Variants in RAP1A observed in about 807,000 individuals in gnomAD.
RAP1A encodes RAP1A, member of RAS oncogene family, also known as ras-related protein Rap-1A.
In RAP1A, 6 loss-of-function variants were observed where a neutral mutation model predicts 26.4. That is an observed-to-expected ratio of 0.23 (90% CI 0.12 to 0.45). The LOEUF is 0.45. Among genes scored for constraint, RAP1A ranks in the 20% least tolerant of loss-of-function variants. The probability of loss-of-function intolerance (pLI) is 0.99; values close to 1 mark genes in which losing one functional copy is unlikely to be tolerated. For missense variants in RAP1A, 121 were observed against 217.2 expected (o/e 0.56, Z 2.78); for synonymous variants, 73 against 79.4 (o/e 0.92, Z 0.43).
upstream of RAP1A, among the ~76,000 whole-genome samples, chr1:111,619,024 T>C (rs935823556): frequency 8.5e-5 from 13 of 152,204 alleles, no homozygotes; most frequent in African/African-American, 2.9e-4. Context: ...TGGTTTCCCG[T>C]TCCTGTTATA....
At chr1:111,633,018 C>T (rs1422701432) in intron 1 of RAP1A, among the ~76,000 whole-genome samples, 1 of 150,406 alleles carries the variant, frequency 6.6e-6, no homozygotes, top group African/African-American at 2.4e-5. Context: ...ATAATTACTA[C>T]TTCATGAGGT....
At chr1:111,682,197 C>G in intron 1 of RAP1A, among the ~76,000 whole-genome samples, 1 of 152,074 alleles carries the variant, frequency 6.6e-6, no homozygotes, top group Non-Finnish European at 1.5e-5. Context: ...GAAGGAAGCA[C>G]TAAATATGGA....
chr1:111,623,487 A>G (rs1478790510), intron 1 of RAP1A, among the ~76,000 whole-genome samples: 3 of 152,116 alleles, frequency 2.0e-5, no homozygotes, highest in Admixed American at 6.5e-5. Context: ...GCTCACTGCA[A>G]CCTCTGCCTC....
intron 4 of RAP1A, among the ~76,000 whole-genome samples, chr1:111,701,258 A>G (rs565583446): frequency 2.6e-5 from 4 of 152,172 alleles, no homozygotes; most frequent in Middle Eastern, 6.8e-3. Flanking sequence ...CACTTTAGAC[A>G]TGTTTCCCTT....
At chr1:111,591,989 C>G (rs1044742810) in intron 1 of RAP1A, among the ~76,000 whole-genome samples, 6 of 152,200 alleles carry the variant, frequency 3.9e-5, no homozygotes, top group African/African-American at 1.2e-4. Context: ...GGTCTGGACT[C>G]TATCCCACGC....
At chr1:111,622,321 C>A (rs1659239354) in intron 1 of RAP1A, among the ~76,000 whole-genome samples, 1 of 152,174 alleles carries the variant, frequency 6.6e-6, no homozygotes, top group African/African-American at 2.4e-5. Flanking sequence ...TTACAGCTGC[C>A]CAGCTATTTC....
At chr1:111,645,352 T>C (rs1326546774) in intron 1 of RAP1A, among the ~76,000 whole-genome samples, 1 of 152,144 alleles carries the variant, frequency 6.6e-6, no homozygotes, top group Non-Finnish European at 1.5e-5. Flanking sequence ...GGACTTAAGT[T>C]TATCAAGAAG....
intron 1 of RAP1A, among the ~76,000 whole-genome samples, chr1:111,576,297 C>A (rs1226735346): frequency 6.6e-6 from 1 of 152,124 alleles, no homozygotes. Flanking sequence ...CTTGGATACA[C>A]AAGACACAAA....
At chr1:111,660,623 C>T (rs1005326264) in intron 1 of RAP1A, among the ~76,000 whole-genome samples, 6 of 152,134 alleles carry the variant, frequency 3.9e-5, no homozygotes, top group Non-Finnish European at 5.9e-5. Flanking sequence ...TGATTCTGCC[C>T]TTGACCTTCT....
intron 4 of RAP1A, among the ~76,000 whole-genome samples, chr1:111,701,154 CCT>C (rs4020150): frequency 0.014 from 2,062 of 152,276 alleles, 145 homozygotes; most frequent in Admixed American, 0.11. Flanking sequence ...AAATGAGAAT[CCT>C]CTCTCTTTGT....
intron 1 of RAP1A, among the ~76,000 whole-genome samples, chr1:111,662,680 T>C (rs1660677871): frequency 1.3e-5 from 2 of 152,296 alleles, no homozygotes; most frequent in Non-Finnish European, 1.5e-5. Flanking sequence ...AACTAAAACA[T>C]TGATTCTCTT....
chr1:111,634,988 A>G (rs748024787), intron 1 of RAP1A, among the ~76,000 whole-genome samples: 1 of 152,178 alleles, frequency 6.6e-6, no homozygotes, highest in African/African-American at 2.4e-5. Flanking sequence ...AAATCAATTC[A>G]TTATAGAGTA....
At chr1:111,669,590 G>A (rs1007701222) in intron 1 of RAP1A, among the ~76,000 whole-genome samples, 2 of 152,202 alleles carry the variant, frequency 1.3e-5, no homozygotes, top group Non-Finnish European at 2.9e-5. Flanking sequence ...TCATGTGAGA[G>A]GAAAATAACC....
In RAP1A at chr1:111,661,747, C is replaced by T. The variant is rs187939684; in HGVS notation, c.-27-29587C>T. Among the ~76,000 whole-genome samples, 295 of 148,772 alleles carry T rather than the reference C, an allele frequency of 2.0e-3. 5 individuals carry two copies. Among genetic ancestry groups the T allele is most frequent in the African/African-American group, 1.9e-3 (75 of 40,200 alleles). On this transcript the variant is annotated intron_variant, in intron 1 of 7. Coordinates refer to ENST00000369709, the MANE Select transcript of RAP1A (RefSeq NM_002884.4). ...CCTGGAGGCGGAGCTTGCAGTGAGC[C>T]GAGATTGCGCCACTGCACTCCAGCC...
intron 1 of RAP1A, among the ~76,000 whole-genome samples, chr1:111,667,250 C>G (rs1036750680): frequency 6.6e-6 from 1 of 152,096 alleles, no homozygotes; most frequent in African/African-American, 2.4e-5. Flanking sequence ...CCTGTTTCTC[C>G]ACTCTTTAAA....
At position 111,611,296 on chromosome 1, in the gene RAP1A, G is replaced by A. The variant is rs996648861; in HGVS notation, c.-28+68787G>A. Among the ~76,000 whole-genome samples the A allele has an allele frequency of 3.3e-5, 5 of 152,160 alleles. No individual in the cohort carries two copies. The East Asian group carries it at 9.6e-4, about 29-fold the overall frequency. On this transcript the variant is annotated intron_variant, in intron 1 of 7. Transcript: ENST00000356415. ...CTTCAAAATTGGGTTCAAGTATCAG[G>A]CACTAAGGGAAGGAACAGGAAACCT...
chr1:111,640,532 C>T (rs1039703939), intron 1 of RAP1A, among the ~76,000 whole-genome samples: 1 of 152,142 alleles, frequency 6.6e-6, no homozygotes, highest in African/African-American at 2.4e-5. Context: ...TGTGTAGTGA[C>T]TTAAAAGTAA....
intron 1 of RAP1A, among the ~76,000 whole-genome samples, chr1:111,610,746 T>C (rs1415699141): frequency 6.6e-6 from 1 of 152,240 alleles, no homozygotes; most frequent in African/African-American, 2.4e-5. Flanking sequence ...GGCTTTAATC[T>C]TCCTGTAAGG....
chr1:111,560,375 G>C (rs551435030), intron 1 of RAP1A, among the ~76,000 whole-genome samples: 15 of 151,952 alleles, frequency 9.9e-5, no homozygotes, highest in Non-Finnish European at 1.0e-4. Flanking sequence ...TAAGGCAGGG[G>C]CTGATATTCA....
Sources: gnomAD v4.1 joint callset for allele counts (sites outside exome capture counted in the v4.1 genomes callset) on GRCh38, gnomAD v4.1.1 for gene constraint, MANE v1.5 for transcripts, NCBI Gene and HGNC (gene_info 2026-07-23, HGNC 2026-07-21) for gene names.